OSBPL8: variants seen among roughly 807,000 people sequenced by gnomAD.
The protein encoded by OSBPL8 is oxysterol binding protein like 8, also known as oxysterol-binding protein-related protein 8.
In OSBPL8, 59 loss-of-function variants were observed where a neutral mutation model predicts 125.5. That is an observed-to-expected ratio of 0.47 (90% CI 0.38 to 0.58). The LOEUF (loss-of-function observed/expected upper bound fraction) is 0.58, where lower values mean the gene tolerates loss of function less well. Among genes scored for constraint, OSBPL8 ranks in the 20% least tolerant of loss-of-function variants. OSBPL8 has a pLI of 0.00. For synonymous variants in OSBPL8, 330 were observed against 338.9 expected (o/e 0.97, Z 0.29); for missense variants, 758 against 1,047.8 (o/e 0.72, Z 3.82).
intron 2 of OSBPL8, among the ~76,000 whole-genome samples, chr12:76,474,432 C>T (rs1876553014): frequency 6.6e-6 from 1 of 150,404 alleles, no homozygotes; most frequent in South Asian, 2.1e-4. Flanking sequence ...TATGTACACA[C>T]ATACATATAT....
chr12:76,374,756 A>G (rs1393946200), intron 17 of OSBPL8, among the ~76,000 whole-genome samples: 1 of 152,124 alleles, frequency 6.6e-6, no homozygotes, highest in Non-Finnish European at 1.5e-5. Flanking sequence ...GACATTATGA[A>G]GCAGAGATAA....
chr12:76,471,297 C>T lies in OSBPL8; in HGVS notation c.43-11402G>A, dbSNP rs980656742. Among the ~76,000 whole-genome samples, 4 of 152,258 alleles carry T rather than the reference C, an allele frequency of 2.6e-5. 1 individual carries two copies. The highest frequency in any genetic ancestry group is 2.0e-4 in the Admixed American group (3 of 15,296). On this transcript the variant is annotated intron_variant, in intron 2 of 23. Coordinates refer to ENST00000261183, the MANE Select transcript of OSBPL8 (RefSeq NM_020841.5). ...ATCTCAAACTCAGTATGTCCAAAAC[C>T]GACTTCATCTTCCCTTTCTCTGCCC...
At chr12:76,461,748 T>A (rs1040221420) in intron 2 of OSBPL8, among the ~76,000 whole-genome samples, 1 of 152,192 alleles carries the variant, frequency 6.6e-6, no homozygotes, top group African/African-American at 2.4e-5. Flanking sequence ...AGTAAGTCTT[T>A]CAGTTGAGAC....
chr12:76,510,544 G>A (rs530500529), intron 1 of OSBPL8, among the ~76,000 whole-genome samples: 17 of 152,212 alleles, frequency 1.1e-4, no homozygotes, highest in Admixed American at 1.0e-3. Context: ...CTGCTTCACT[G>A]TCGGTTATAT....
chr12:76,468,746 A>C (rs4412795), intron 2 of OSBPL8, among the ~76,000 whole-genome samples: 92,528 of 152,022 alleles, frequency 0.61, 28,746 homozygotes, highest in East Asian at 0.91. Flanking sequence ...AAATAAATAA[A>C]TAATTCAATT....
intron 1 of OSBPL8, among the ~76,000 whole-genome samples, chr12:76,490,426 A>T (rs1017944792): frequency 1.8e-4 from 28 of 152,212 alleles, no homozygotes; most frequent in Non-Finnish European, 5.9e-5. Context: ...AGAGAGGAGA[A>T]GCTGCTGGAC....
At chr12:76,390,204 A>G (rs1953499795) in intron 11 of OSBPL8, 1 of 457,516 alleles carries the variant, frequency 2.2e-6, no homozygotes, top group Non-Finnish European at 3.8e-6. Flanking sequence ...AAGAAAATGT[A>G]AACTTTAAAT....
intron 19 of OSBPL8, among the ~76,000 whole-genome samples, chr12:76,370,484 G>T (rs1197082858): frequency 6.6e-6 from 1 of 152,112 alleles, no homozygotes; most frequent in Non-Finnish European, 1.5e-5. Flanking sequence ...AACCAGAAAA[G>T]GCTTTGGGAT....
chr12:76,553,836 G>A (rs1355032368), intron 1 of OSBPL8, among the ~76,000 whole-genome samples: 1 of 151,524 alleles, frequency 6.6e-6, no homozygotes, highest in Non-Finnish European at 1.5e-5. Context: ...AATTAGCTGG[G>A]CATGGTGGCA....
chr12:76,428,488 T>C (rs1422551672), intron 4 of OSBPL8, among the ~76,000 whole-genome samples: 1 of 152,100 alleles, frequency 6.6e-6, no homozygotes, highest in Non-Finnish European at 1.5e-5. Context: ...AAATTCTATG[T>C]GCACACTCAT....
chr12:76,527,556 T>A (rs912307361), intron 1 of OSBPL8, among the ~76,000 whole-genome samples: 5 of 152,202 alleles, frequency 3.3e-5, no homozygotes, highest in Admixed American at 1.3e-4. Context: ...CTATAATACA[T>A]GGGTCTGAGA....
chr12:76,451,995 T>C (rs895806199), intron 3 of OSBPL8, among the ~76,000 whole-genome samples: 5 of 152,008 alleles, frequency 3.3e-5, no homozygotes, highest in African/African-American at 1.2e-4. Context: ...GGCGCGCCTG[T>C]AATCCCAACT....
chr12:76,417,664 G>A (rs776436140), intron 4 of OSBPL8, among the ~76,000 whole-genome samples: 8 of 151,858 alleles, frequency 5.3e-5, no homozygotes, highest in Non-Finnish European at 1.0e-4. Flanking sequence ...TTAAATTTTG[G>A]TTATGTTTAA....
chr12:76,514,833 G>A (rs1295320129), intron 1 of OSBPL8, among the ~76,000 whole-genome samples: 1 of 152,032 alleles, frequency 6.6e-6, no homozygotes, highest in Non-Finnish European at 1.5e-5. Context: ...CATACTTCTC[G>A]AAGCTTTTGT....
Position 76,389,658 on chromosome 12 carries a change from C to A in OSBPL8, c.1339G>T (p.Asp447Tyr). The A allele has an allele frequency of 1.3e-6, 2 of 1,574,984 alleles. No homozygotes were observed. The highest frequency in any genetic ancestry group is 2.4e-5 in the South Asian group (2 of 84,376). ...DKLSDYYYHA[D>Y]FLSEAALEEN... Reference sequence around the variant, plus strand: ...GAATCTACTTACTCAGATAGGAAATCTGCATGATAGTAGTAATCTGAAAGT... The same window carrying A: ...GAATCTACTTACTCAGATAGGAAATATGCATGATAGTAGTAATCTGAAAGT... Residue 447 changes from aspartate to tyrosine, a missense_variant, in exon 12 of 24, where the codon GAT becomes TAT. Around this residue, in one of 3 missense-constraint regions of OSBPL8, gnomAD observed 572 missense variants for 762.0 expected, o/e 0.75. Transcript: ENST00000261183.
chr12:76,469,710 G>A (rs1180157398), intron 2 of OSBPL8, among the ~76,000 whole-genome samples: 1 of 151,840 alleles, frequency 6.6e-6, no homozygotes, highest in African/African-American at 2.4e-5. Context: ...TTCTTACCCT[G>A]CTTTATTTTT....
intron 1 of OSBPL8, among the ~76,000 whole-genome samples, chr12:76,488,523 C>T (rs1384442583): frequency 6.6e-6 from 1 of 152,172 alleles, no homozygotes; most frequent in African/African-American, 2.4e-5. Flanking sequence ...CACTTTGTGT[C>T]TCTGTGTCAT....
chr12:76,416,997 C>T (rs946879169), intron 4 of OSBPL8, among the ~76,000 whole-genome samples: 4 of 152,082 alleles, frequency 2.6e-5, no homozygotes, highest in East Asian at 1.9e-4. Context: ...TATTAATTTA[C>T]TCTCCTTCTG....
intron 1 of OSBPL8, among the ~76,000 whole-genome samples, chr12:76,531,615 T>A (rs1197572317): frequency 2.6e-5 from 4 of 152,054 alleles, no homozygotes; most frequent in Non-Finnish European, 5.9e-5. Flanking sequence ...TCAACATGTG[T>A]GGGTTGGGGG....
Sources: gnomAD v4.1 joint callset for allele counts (sites outside exome capture counted in the v4.1 genomes callset) on GRCh38, gnomAD v4.1.1 for gene constraint, gnomAD v4.1.1 regional missense constraint, MANE v1.5 for transcripts, NCBI Gene and HGNC (gene_info 2026-07-23, HGNC 2026-07-21) for gene names.